STK40: variants seen among roughly 807,000 people sequenced by gnomAD.
STK40 encodes serine/threonine-protein kinase 40.
STK40 carries 13 observed loss-of-function variants against 47.9 expected under a neutral mutation model. The observed-to-expected ratio is 0.27, with a 90% CI of 0.18 to 0.43. The LOEUF (loss-of-function observed/expected upper bound fraction) is 0.43. Ranked by LOEUF, STK40 falls within the 20% of genes least tolerant of loss-of-function variation. The pLI, the probability that STK40 is intolerant of heterozygous loss-of-function variation, is 1.00. For synonymous variants in STK40, 225 were observed against 243.2 expected (o/e 0.93, Z 0.69); for missense variants, 460 against 595.1 (o/e 0.77, Z 2.36).
At chr1:36,347,477 A>C (rs1225201405) in intron 7 of STK40, among the ~76,000 whole-genome samples, 1 of 152,194 alleles carries the variant, frequency 6.6e-6, no homozygotes, top group Non-Finnish European at 1.5e-5. Flanking sequence ...ACGACTTTGG[A>C]CAAGAGATGT....
intron 6 of STK40, among the ~76,000 whole-genome samples, chr1:36,351,649 C>T (rs1302663028): frequency 6.6e-6 from 1 of 152,188 alleles, no homozygotes; most frequent in Non-Finnish European, 1.5e-5. Context: ...GCATTCTGCA[C>T]CCTGAGGAGC....
chr1:36,344,087 T>TGCCCCCCCCCCCCCCCCGGGGGGAGG, intron 8 of STK40, 33 bp downstream of exon 8: 1 of 1,600,654 alleles, frequency 6.2e-7, no homozygotes, highest in Non-Finnish European at 8.5e-7. Context: ...TCAGGCTGGC[T>TGCCCCCCCCCCCCCCCCGGGGGGAGG]GCCCCCCCCA....
chr1:36,362,908 C>T (rs1414073235), intron 1 of STK40, among the ~76,000 whole-genome samples: 1 of 152,180 alleles, frequency 6.6e-6, no homozygotes, highest in African/African-American at 2.4e-5. Context: ...TTAATCCCAA[C>T]ACTTAGGGAG....
At chr1:36,378,171 A>C (rs1013130095) in intron 1 of STK40, among the ~76,000 whole-genome samples, 1 of 152,186 alleles carries the variant, frequency 6.6e-6, no homozygotes, top group African/African-American at 2.4e-5. Context: ...TCAGGCAAAA[A>C]AAGGGACTGG....
intron 4 of STK40, 134 bp from the exon 5 acceptor site, chr1:36,355,567 G>C (rs1366951786): frequency 1.1e-6 from 1 of 940,740 alleles, no homozygotes; most frequent in South Asian, 1.5e-5. Flanking sequence ...GTGCGGGCCA[G>C]AGAGGACTGA....
At chr1:36,372,325 C>T (rs547321486) in intron 1 of STK40, among the ~76,000 whole-genome samples, 1 of 144,646 alleles carries the variant, frequency 6.9e-6, no homozygotes, top group South Asian at 2.2e-4. Flanking sequence ...GGAGTTTTAG[C>T]TTGCTTAGTT....
chr1:36,385,469 G>C (rs1647077738), intron 1 of STK40, among the ~76,000 whole-genome samples: 1 of 152,218 alleles, frequency 6.6e-6, no homozygotes, highest in Admixed American at 6.5e-5. Flanking sequence ...AAAGCTGGCA[G>C]TGCCCACTTC....
intron 1 of STK40, among the ~76,000 whole-genome samples, chr1:36,383,151 T>C (rs943263214): frequency 6.6e-6 from 1 of 152,198 alleles, no homozygotes. Context: ...TTTCTCCATG[T>C]TAGACTGGTC....
At chr1:36,350,176 G>C (rs909619710) in intron 6 of STK40, among the ~76,000 whole-genome samples, 1 of 152,256 alleles carries the variant, frequency 6.6e-6, no homozygotes, top group East Asian at 1.9e-4. Flanking sequence ...TGCCATAGGA[G>C]TCTGACTGGT....
chr1:36,356,283 G>A (rs1177186194), intron 4 of STK40, among the ~76,000 whole-genome samples: 2 of 152,158 alleles, frequency 1.3e-5, no homozygotes, highest in African/African-American at 2.4e-5. Flanking sequence ...CTTGCTGAAA[G>A]GTATTTCGAG....
intron 7 of STK40, among the ~76,000 whole-genome samples, chr1:36,345,991 A>ATATATATATTTTTTTTTTTTTTT: frequency 1.1e-4 from 3 of 26,468 alleles, no homozygotes; most frequent in African/African-American, 4.2e-4. Flanking sequence ...ATATATATAT[A>ATATATATATTTTTTTTTTTTTTT]TTTTTTTTTT....
At chr1:36,369,687 A>T (rs1056953584) in intron 1 of STK40, among the ~76,000 whole-genome samples, 1 of 151,954 alleles carries the variant, frequency 6.6e-6, no homozygotes, top group Non-Finnish European at 1.5e-5. Context: ...ACCTGAGTAC[A>T]CCTCCGTCCC....
intron 7 of STK40, among the ~76,000 whole-genome samples, chr1:36,345,970 T>C (rs940556566): frequency 5.5e-5 from 1 of 18,050 alleles, no homozygotes; most frequent in Non-Finnish European, 1.3e-4. Context: ...GGGCATTACA[T>C]ATATATATAT....
At chr1:36,384,523 T>C (rs971032357) in intron 1 of STK40, among the ~76,000 whole-genome samples, 2 of 152,246 alleles carry the variant, frequency 1.3e-5, no homozygotes, top group Non-Finnish European at 2.9e-5. Context: ...CCTTGTTTTA[T>C]AGACGAAGAC....
intron 1 of STK40, among the ~76,000 whole-genome samples, chr1:36,385,341 T>C (rs1022831166): frequency 1.3e-5 from 2 of 150,572 alleles, no homozygotes; most frequent in Non-Finnish European, 2.9e-5. Flanking sequence ...TCGTTCTAAC[T>C]ATCAAGTCAC....
At chr1:36,364,779 C>G (rs1392179399) in intron 1 of STK40, among the ~76,000 whole-genome samples, 1 of 151,670 alleles carries the variant, frequency 6.6e-6, no homozygotes, top group Non-Finnish European at 1.5e-5. Flanking sequence ...GGCAACGTTG[C>G]GAGACCCATC....
chr1:36,382,154 G>A (rs1014038610), intron 1 of STK40, among the ~76,000 whole-genome samples: 2 of 151,948 alleles, frequency 1.3e-5, no homozygotes. Context: ...ACACAGAGAA[G>A]AAATTCTAAA....
chr1:36,380,362 T>C (rs529465153), intron 1 of STK40, among the ~76,000 whole-genome samples: 64 of 152,284 alleles, frequency 4.2e-4, no homozygotes, highest in African/African-American at 1.5e-3. Flanking sequence ...TATAGTCCAA[T>C]CCAGCTGAGG....
At chr1:36,357,562 T>C (rs1646815361) in intron 4 of STK40, among the ~76,000 whole-genome samples, 1 of 152,090 alleles carries the variant, frequency 6.6e-6, no homozygotes, top group Admixed American at 6.5e-5. Flanking sequence ...TTCTGCCTGC[T>C]CAGGCATTTC....
Sources: allele counts gnomAD v4.1 joint callset (sites outside exome capture counted in the v4.1 genomes callset), GRCh38; gene constraint gnomAD v4.1.1; transcripts MANE v1.5; gene names NCBI Gene and HGNC (gene_info 2026-07-23, HGNC 2026-07-21).